Variants in PIBF1 observed in about 807,000 individuals in gnomAD.
PIBF1 encodes the protein progesterone-induced-blocking factor 1.
PIBF1 carries 90 observed loss-of-function variants against 112.5 expected under a neutral mutation model. The ratio of observed to expected loss-of-function variants is 0.80; its 90% confidence interval spans 0.67 to 0.95. PIBF1 has a LOEUF of 0.95. Among genes scored for constraint, PIBF1 ranks in the 40% least tolerant of loss-of-function variants. The probability of loss-of-function intolerance (pLI) is 0.00; values close to 1 mark genes in which losing one functional copy is unlikely to be tolerated. For synonymous variants in PIBF1, 301 were observed against 288.6 expected, an observed-to-expected ratio of 1.04 and a Z score of -0.44; for missense variants, 915 against 852.3, an observed-to-expected ratio of 1.07 and a Z score of -0.92.
intron 14 of PIBF1, among the ~76,000 whole-genome samples, chr13:72,949,303 T>G (rs1193219540): frequency 2.4e-5 from 1 of 40,986 alleles, no homozygotes; most frequent in African/African-American, 1.7e-4. Flanking sequence ...TAGCTGTCTT[T>G]TTTTTTTTTT....
At chr13:72,802,122 G>C in intron 5 of PIBF1, among the ~76,000 whole-genome samples, 1 of 152,088 alleles carries the variant, frequency 6.6e-6, no homozygotes, top group East Asian at 1.9e-4. Context: ...TAGGCTATCT[G>C]TAGTTAAGTT....
intron 9 of PIBF1, among the ~76,000 whole-genome samples, chr13:72,843,349 G>A (rs180752619): frequency 2.6e-5 from 4 of 152,290 alleles, no homozygotes; most frequent in Admixed American, 2.0e-4. Context: ...CCTCAGGAAC[G>A]ACCCCAACTT....
chr13:72,982,744 A>C (rs557030552), intron 16 of PIBF1, among the ~76,000 whole-genome samples: 50 of 152,208 alleles, frequency 3.3e-4, no homozygotes, highest in Admixed American at 2.7e-3. Context: ...AGAAACTGTC[A>C]TCAAAAAATA....
chr13:72,954,342 G>T (rs77864690), intron 14 of PIBF1, among the ~76,000 whole-genome samples: 1 of 152,220 alleles, frequency 6.6e-6, no homozygotes, highest in Non-Finnish European at 1.5e-5. Flanking sequence ...CGAAGCAGGG[G>T]CGCCCAACTT....
chr13:72,891,147 G>C (rs1197248949), intron 10 of PIBF1, among the ~76,000 whole-genome samples: 1 of 152,034 alleles, frequency 6.6e-6, no homozygotes, highest in Non-Finnish European at 1.5e-5. Flanking sequence ...AGTGCCAAAA[G>C]TAACTTTCAG....
chr13:72,925,346 A>G (rs1309727262), intron 13 of PIBF1, among the ~76,000 whole-genome samples: 1 of 152,144 alleles, frequency 6.6e-6, no homozygotes, highest in African/African-American at 2.4e-5. Flanking sequence ...GAAACAGGAG[A>G]TATGAATGAA....
intron 13 of PIBF1, among the ~76,000 whole-genome samples, chr13:72,918,829 G>A (rs2041193024): frequency 6.6e-6 from 1 of 151,094 alleles, no homozygotes; most frequent in Non-Finnish European, 1.5e-5. Context: ...TCAGCCTCCC[G>A]AGTAGCTGGG....
intron 17 of PIBF1, among the ~76,000 whole-genome samples, chr13:73,011,256 TG>T (rs2044194999): frequency 6.6e-6 from 1 of 152,188 alleles, no homozygotes; most frequent in Admixed American, 6.5e-5. Context: ...GAACCAGTGC[TG>T]GGGTAGGAAA....
Position 72,783,572 on chromosome 13 carries a change from TC to T in PIBF1, c.105del (p.Ser36HisfsTer15). The T allele has an allele frequency of 6.2e-7, 1 of 1,613,950 alleles. No homozygotes were observed. The highest frequency in any genetic ancestry group is 8.5e-7 in the Non-Finnish European group (1 of 1,179,822). ...AACAACAGTTCCTACGGATGATATT[TC>T]CTCATCAGAAGAGCGAGAGGGCAAA... is the stretch of plus-strand genomic sequence containing the variant. ...LETTVPTDDI[S>X]SSEEREGKVR... On this transcript the variant is annotated frameshift_variant, in exon 2 of 18. Transcript: ENST00000326291. LOFTEE classifies it high-confidence loss of function.
chr13:72,916,951 A>C (rs554420618), intron 12 of PIBF1, 125 bp from the exon 13 acceptor site: 2 of 501,102 alleles, frequency 4.0e-6, no homozygotes, highest in Admixed American at 3.8e-5. Context: ...TTAAGATTAC[A>C]TATTAGCCCT....
intron 10 of PIBF1, among the ~76,000 whole-genome samples, chr13:72,890,668 G>A (rs1436471030): frequency 6.6e-6 from 1 of 152,118 alleles, no homozygotes; most frequent in African/African-American, 2.4e-5. Context: ...GTTAATGTAT[G>A]AATAATACTG....
chr13:72,793,359 C>T (rs752292701), intron 3 of PIBF1, among the ~76,000 whole-genome samples: 25 of 152,094 alleles, frequency 1.6e-4, no homozygotes, highest in Admixed American at 3.9e-4. Context: ...ACCTTTTTAT[C>T]AGCCACTATC....
chr13:72,938,291 A>G lies in PIBF1; in HGVS notation c.1833+7024A>G, dbSNP rs150165283. On this transcript the variant is annotated intron_variant, in intron 14 of 17. Coordinates refer to ENST00000326291, the MANE Select transcript of PIBF1 (RefSeq NM_006346.4). ...ATGGTGTTTCATACACAGCACCACT[A>G]TCTAGTAAAAGAGCATTTCCATCAC... Among the ~76,000 whole-genome samples, 144 of 152,228 alleles carry G rather than the reference A, an allele frequency of 9.5e-4. 1 individual carries two copies. The East Asian group carries it at 0.024, about 25-fold the overall frequency.
At chr13:72,916,632 G>A (rs1187998348) in intron 12 of PIBF1, among the ~76,000 whole-genome samples, 1 of 151,756 alleles carries the variant, frequency 6.6e-6, no homozygotes, top group Non-Finnish European at 1.5e-5. Flanking sequence ...ACCTACATAA[G>A]TACATAATTT....
chr13:72,792,578 A>G (rs1566275197), intron 3 of PIBF1, 31 bp downstream of exon 3: 1 of 1,118,642 alleles, frequency 8.9e-7, no homozygotes, highest in East Asian at 2.5e-5. Context: ...AAAAAAAACA[A>G]CATCTATTTA....
intron 12 of PIBF1, among the ~76,000 whole-genome samples, chr13:72,909,668 T>C (rs1326765602): frequency 6.6e-6 from 1 of 151,994 alleles, no homozygotes; most frequent in Non-Finnish European, 1.5e-5. Context: ...TCATTTTGTA[T>C]TTTTAGTAGA....
chr13:72,856,836 A>G (rs145138584), intron 10 of PIBF1, among the ~76,000 whole-genome samples: 130 of 152,292 alleles, frequency 8.5e-4, no homozygotes, highest in African/African-American at 3.0e-3. Flanking sequence ...GTTCATGTCA[A>G]AATTTTCAAA....
At chr13:72,944,520 TTAA>T (rs961214083) in intron 14 of PIBF1, among the ~76,000 whole-genome samples, 1 of 152,104 alleles carries the variant, frequency 6.6e-6, no homozygotes, top group South Asian at 2.1e-4. Flanking sequence ...AGCAAAATGT[TTAA>T]TAATAATTTA....
At chr13:72,996,890 A>G (rs938478270) in intron 16 of PIBF1, among the ~76,000 whole-genome samples, 1 of 152,192 alleles carries the variant, frequency 6.6e-6, no homozygotes, top group Non-Finnish European at 1.5e-5. Context: ...TTGGGTACCC[A>G]CTGTAGCTGT....
Sources: allele counts gnomAD v4.1 joint callset (sites outside exome capture counted in the v4.1 genomes callset), GRCh38; gene constraint gnomAD v4.1.1; transcripts MANE v1.5; gene names NCBI Gene and HGNC (gene_info 2026-07-23, HGNC 2026-07-21).